GPM6A: variants seen among roughly 807,000 people sequenced by gnomAD.
GPM6A encodes the protein neuronal membrane glycoprotein M6-a.
A neutral mutation model predicts 32.1 loss-of-function variants in GPM6A; 7 were observed. The ratio of observed to expected loss-of-function variants is 0.22; its 90% CI spans 0.12 to 0.41. The LOEUF (loss-of-function observed/expected upper bound fraction) is 0.41. Ranked by LOEUF, GPM6A falls within the 10% of genes least tolerant of loss-of-function variation. The probability of loss-of-function intolerance (pLI) is 1.00; values close to 1 mark genes in which losing one functional copy is unlikely to be tolerated. For synonymous variants in GPM6A, 130 were observed against 123.4 expected (o/e 1.05, Z -0.35); for missense variants, 235 against 347.2 (o/e 0.68, Z 2.57).
At chr4:175,741,459 T>C (rs1231943989) in intron 1 of GPM6A, among the ~76,000 whole-genome samples, 1 of 152,126 alleles carries the variant, frequency 6.6e-6, no homozygotes, top group Non-Finnish European at 1.5e-5. Flanking sequence ...GAGGATATAA[T>C]TGCTAATGGA....
intron 1 of GPM6A, among the ~76,000 whole-genome samples, chr4:175,702,412 A>C (rs73002169): frequency 0.065 from 9,838 of 152,296 alleles, 593 homozygotes; most frequent in East Asian, 0.35. Flanking sequence ...ATCGAATACT[A>C]GAACTTATTC....
At chr4:175,662,022 T>TA (rs1016733081) in intron 3 of GPM6A, among the ~76,000 whole-genome samples, 2 of 151,922 alleles carry the variant, frequency 1.3e-5, no homozygotes, top group African/African-American at 4.8e-5. Flanking sequence ...TAAATTTTTT[T>TA]AAAAAAAATT....
intron 1 of GPM6A, among the ~76,000 whole-genome samples, chr4:175,893,145 A>C (rs17667772): frequency 0.019 from 2,891 of 152,248 alleles, 30 homozygotes; most frequent in Non-Finnish European, 0.03. Flanking sequence ...GTGATGGTAA[A>C]CCTACGAGCC....
In GPM6A at chr4:175,825,874, C is replaced by G. The variant is rs148746842; in HGVS notation, c.-22-13625G>C. Among the ~76,000 whole-genome samples the G allele has an allele frequency of 9.2e-5, 14 of 152,130 alleles. No individual in the cohort carries two copies. The East Asian group carries it at 2.3e-3, about 25-fold the overall frequency. On this transcript the variant is annotated intron_variant, in intron 1 of 7. Transcript: ENST00000280187. Reference sequence around the variant, plus strand: ...AAGTCAAGTTGAAGAGATTCGCAAACTTTTAGTTAAAAAAAAAAGTCTTGG... The same window carrying G: ...AAGTCAAGTTGAAGAGATTCGCAAAGTTTTAGTTAAAAAAAAAAGTCTTGG...
chr4:175,925,101 A>G (rs1738790861), intron 1 of GPM6A, among the ~76,000 whole-genome samples: 1 of 152,194 alleles, frequency 6.6e-6, no homozygotes, highest in South Asian at 2.1e-4. Flanking sequence ...TAATTACTAT[A>G]CCTGATCACA....
chr4:175,867,014 A>G (rs971657699), intron 1 of GPM6A, among the ~76,000 whole-genome samples: 1 of 152,170 alleles, frequency 6.6e-6, no homozygotes, highest in Non-Finnish European at 1.5e-5. Context: ...TGAAGTGTAG[A>G]GCATATTTTC....
intron 1 of GPM6A, chr4:175,787,858 T>C (rs1460403118): frequency 6.5e-6 from 1 of 154,476 alleles, no homozygotes; most frequent in Non-Finnish European, 1.4e-5. Flanking sequence ...GCAATTTGAC[T>C]ACAGCTGGCC....
intron 1 of GPM6A, among the ~76,000 whole-genome samples, chr4:175,779,644 T>C (rs934299767): frequency 1.3e-5 from 2 of 152,172 alleles, no homozygotes; most frequent in African/African-American, 4.8e-5. Flanking sequence ...AGGCAAACAC[T>C]GAAGGTCAGT....
At chr4:175,755,612 T>C (rs1017471266) in intron 1 of GPM6A, among the ~76,000 whole-genome samples, 1 of 152,158 alleles carries the variant, frequency 6.6e-6, no homozygotes, top group African/African-American at 2.4e-5. Flanking sequence ...AAAGAAAGTA[T>C]AAATTTGCTT....
intron 1 of GPM6A, among the ~76,000 whole-genome samples, chr4:175,899,245 G>C (rs974296911): frequency 2.0e-5 from 3 of 152,114 alleles, no homozygotes; most frequent in African/African-American, 7.2e-5. Context: ...CATTAAGGCA[G>C]AGATAAAGAA....
intron 1 of GPM6A, among the ~76,000 whole-genome samples, chr4:175,862,153 A>C (rs191793759): frequency 9.8e-5 from 15 of 152,320 alleles, no homozygotes; most frequent in Admixed American, 9.2e-4. Flanking sequence ...GTTCCCTTAA[A>C]AACTTTTTCA....
At chr4:175,793,627 C>T (rs1401529990) in intron 1 of GPM6A, among the ~76,000 whole-genome samples, 2 of 152,124 alleles carry the variant, frequency 1.3e-5, no homozygotes, top group Non-Finnish European at 1.5e-5. Context: ...TCGCCTGCCT[C>T]GGCCTCCCAA....
chr4:175,750,489 TAG>T (rs575802804), intron 1 of GPM6A, among the ~76,000 whole-genome samples: 65 of 152,080 alleles, frequency 4.3e-4, no homozygotes, highest in African/African-American at 1.5e-3. Context: ...TGAGAGATTC[TAG>T]AGACAAAGTT....
chr4:175,950,292 G>A (rs1739762692), intron 1 of GPM6A, among the ~76,000 whole-genome samples: 1 of 151,976 alleles, frequency 6.6e-6, no homozygotes, highest in Non-Finnish European at 1.5e-5. Context: ...CATAATAGAT[G>A]TTTATTTTTA....
At chr4:175,863,891 T>C (rs1419158831) in intron 1 of GPM6A, among the ~76,000 whole-genome samples, 14 of 152,042 alleles carry the variant, frequency 9.2e-5, no homozygotes, top group Admixed American at 8.5e-4. Flanking sequence ...ATCCCACCTA[T>C]TGGGGAGGCT....
intron 1 of GPM6A, among the ~76,000 whole-genome samples, chr4:175,950,942 T>A (rs1166842648): frequency 1.3e-5 from 2 of 152,188 alleles, no homozygotes; most frequent in Non-Finnish European, 2.9e-5. Context: ...GGAGCAGAGA[T>A]AATACTAAAT....
At chr4:175,645,015 G>T (rs573284671) in intron 4 of GPM6A, among the ~76,000 whole-genome samples, 3 of 152,020 alleles carry the variant, frequency 2.0e-5, no homozygotes, top group Non-Finnish European at 4.4e-5. Flanking sequence ...CAGGAGAATC[G>T]CTTGAACCCG....
At chr4:175,995,497 A>G (rs1356959303) in intron 1 of GPM6A, among the ~76,000 whole-genome samples, 1 of 152,212 alleles carries the variant, frequency 6.6e-6, no homozygotes. Context: ...TAACAGCTGT[A>G]ATGAGTGGCT....
At chr4:175,986,052 C>CG (rs1366828840) in intron 1 of GPM6A, among the ~76,000 whole-genome samples, 1 of 152,106 alleles carries the variant, frequency 6.6e-6, no homozygotes, top group Non-Finnish European at 1.5e-5. Flanking sequence ...GATCTGCCCC[C>CG]CTCAGCCTCC....
Sources: allele counts gnomAD v4.1 joint callset (sites outside exome capture counted in the v4.1 genomes callset), GRCh38; gene constraint gnomAD v4.1.1; transcripts MANE v1.5; gene names NCBI Gene and HGNC (gene_info 2026-07-23, HGNC 2026-07-21).